The following SRRM4 variants were observed in gnomAD, a reference collection of about 807,000 sequenced individuals.
SRRM4 encodes serine/arginine repetitive matrix 4, also known as serine/arginine repetitive matrix protein 4.
SRRM4 carries 33 observed loss-of-function variants against 68.9 expected under a neutral mutation model. The ratio of observed to expected loss-of-function variants is 0.48; its 90% CI spans 0.36 to 0.64. The LOEUF (loss-of-function observed/expected upper bound fraction) is 0.64. Ranked by LOEUF, SRRM4 falls within the 30% of genes least tolerant of loss-of-function variation. The pLI, the probability that SRRM4 is intolerant of heterozygous loss-of-function variation, is 0.00. For missense variants in SRRM4, 817 were observed against 827.1 expected (o/e 0.99, Z 0.15); for synonymous variants, 318 against 318.8 (o/e 1.00, Z 0.03).
chr12:119,106,528 C>T lies in SRRM4; in HGVS notation c.278+4146C>T, dbSNP rs991479994. On this transcript the variant is annotated intron_variant, in intron 2 of 12. Coordinates refer to ENST00000267260, the MANE Select transcript of SRRM4 (RefSeq NM_194286.4). ...TCTCCTTGAAGAGGTCCTTCACATCCCTTGTAAGTTGGATTCCTAGATATT... is the reference window on the plus strand; with the variant it reads ...TCTCCTTGAAGAGGTCCTTCACATCTCTTGTAAGTTGGATTCCTAGATATT... Among the ~76,000 whole-genome samples, 7 of 152,164 alleles carry T rather than the reference C, an allele frequency of 4.6e-5. No individual in the cohort carries two copies. The South Asian group carries it at 1.0e-3, about 23-fold the overall frequency.
At chr12:118,994,820 C>A (rs1438445948) in intron 1 of SRRM4, among the ~76,000 whole-genome samples, 1 of 152,172 alleles carries the variant, frequency 6.6e-6, no homozygotes, top group Non-Finnish European at 1.5e-5. Context: ...TTGCCTTTGG[C>A]CATTCCGGCT....
intron 1 of SRRM4, among the ~76,000 whole-genome samples, chr12:119,009,919 C>A (rs904341455): frequency 6.6e-6 from 1 of 152,162 alleles, no homozygotes; most frequent in Non-Finnish European, 1.5e-5. Context: ...AATTTTTCTC[C>A]TTTCTTCCTT....
At chr12:119,140,951 A>G (rs1954361434) in intron 8 of SRRM4, among the ~76,000 whole-genome samples, 1 of 152,198 alleles carries the variant, frequency 6.6e-6, no homozygotes, top group African/African-American at 2.4e-5. Context: ...TTTATATTTC[A>G]AAGTAACTAG....
rs144329562 is a variant in SRRM4 at position 119,128,924 on chromosome 12, A to G, written c.615-1754A>G. ...GTTGGCATCTGAGCTCCCAGTGCCT[A>G]CTGAGCTGAGGAGCTTCCTAGCAGA... On this transcript the variant is annotated intron_variant, in intron 7 of 12. Transcript: ENST00000267260. Among the ~76,000 whole-genome samples the G allele has an allele frequency of 2.1e-3, 313 of 152,320 alleles. 1 individual carries two copies. Among genetic ancestry groups the G allele is most frequent in the African/African-American group, 6.5e-3 (270 of 41,580 alleles).
rs1954494794 is a variant in SRRM4 at position 119,159,300 on chromosome 12, A to C, written c.*2502A>C. ...TAAACAGCCCAGAGGCTTATGAGCTACAGTGATGAATTGACACAGTGGAGT... is the reference window on the plus strand; with the variant it reads ...TAAACAGCCCAGAGGCTTATGAGCTCCAGTGATGAATTGACACAGTGGAGT... On this transcript the variant is annotated 3_prime_UTR_variant, in exon 13 of 13. Transcript: ENST00000267260. The C allele has an allele frequency of 6.6e-6, 1 of 152,308 alleles. No homozygotes were observed. The highest frequency in any genetic ancestry group is 1.5e-5 in the Non-Finnish European group (1 of 68,114). 9.4% of individuals were successfully genotyped at this position (152,308 alleles called of 1,614,324 possible).
chr12:119,084,059 C>T (rs1953965529), intron 1 of SRRM4, among the ~76,000 whole-genome samples: 1 of 152,196 alleles, frequency 6.6e-6, no homozygotes, highest in Admixed American at 6.5e-5. Context: ...ACAGCAAGCG[C>T]TATTACACTT....
At position 119,145,797 on chromosome 12, in the gene SRRM4, G is replaced by A. The variant is rs1472187392; in HGVS notation, c.1076+112G>A. ...ACCCCCAAGATTATTTTATTTGTAA[G>A]AGAGATGAAACTCAACTCAGACTGG... is the stretch of plus-strand genomic sequence containing the variant. On this transcript the variant is annotated intron_variant, in intron 9 of 12. Transcript: ENST00000267260. The A allele has an allele frequency of 3.9e-6, 4 of 1,024,080 alleles. No individual in the cohort carries two copies. The East Asian group carries it at 1.2e-4, about 32-fold the overall frequency. 63.4% of individuals were successfully genotyped at this position (1,024,080 alleles called of 1,614,324 possible). A position where few individuals can be genotyped will look rare whatever the true frequency, so the allele number is the denominator to read the frequency against.
chr12:119,139,192 T>C (rs1388023749), intron 8 of SRRM4, among the ~76,000 whole-genome samples: 1 of 152,120 alleles, frequency 6.6e-6, no homozygotes, highest in Non-Finnish European at 1.5e-5. Context: ...GTTTGCACCT[T>C]ATGTGCCAGA....
At chr12:119,156,450 C>T in intron 12 of SRRM4, 45 bp from the exon 13 acceptor site, 1 of 1,530,254 alleles carries the variant, frequency 6.5e-7, no homozygotes, top group Non-Finnish European at 8.8e-7. Flanking sequence ...TGCGGGGAGG[C>T]ACGGAGGGGC....
chr12:119,084,885 G>A (rs1332027411), intron 1 of SRRM4, among the ~76,000 whole-genome samples: 1 of 152,148 alleles, frequency 6.6e-6, no homozygotes, highest in Non-Finnish European at 1.5e-5. Context: ...AATGATGCCA[G>A]TTTTTAAAAA....
At chr12:119,151,307 A>C in intron 10 of SRRM4, 87 bp downstream of exon 10, 1 of 1,280,762 alleles carries the variant, frequency 7.8e-7, no homozygotes. Flanking sequence ...CATGGGGGAG[A>C]GAAGTCAGAC....
chr12:119,138,740 C>T (rs1954346375), intron 8 of SRRM4, among the ~76,000 whole-genome samples: 1 of 152,354 alleles, frequency 6.6e-6, no homozygotes, highest in Admixed American at 6.5e-5. Context: ...ATTATTAGCA[C>T]TCATTTTCCA....
At chr12:119,148,124 G>A (rs561996513) in intron 9 of SRRM4, among the ~76,000 whole-genome samples, 4 of 152,192 alleles carry the variant, frequency 2.6e-5, no homozygotes, top group African/African-American at 7.2e-5. Context: ...TTCTGAGGGT[G>A]GGAGTTTGCC....
At chr12:119,039,883 A>G (rs995770217) in intron 1 of SRRM4, among the ~76,000 whole-genome samples, 1 of 152,100 alleles carries the variant, frequency 6.6e-6, no homozygotes. Context: ...TCAGCCACCC[A>G]TATACCAGGG....
At chr12:119,030,246 T>C (rs1953579772) in intron 1 of SRRM4, among the ~76,000 whole-genome samples, 1 of 152,072 alleles carries the variant, frequency 6.6e-6, no homozygotes, top group South Asian at 2.1e-4. Flanking sequence ...GAACCAAGGG[T>C]ATGACACAGG....
At chr12:118,986,474 A>G (rs1953282843) in intron 1 of SRRM4, among the ~76,000 whole-genome samples, 1 of 152,208 alleles carries the variant, frequency 6.6e-6, no homozygotes, top group African/African-American at 2.4e-5. Flanking sequence ...GTAGATGTTC[A>G]GTGAATGTTG....
intron 1 of SRRM4, among the ~76,000 whole-genome samples, chr12:119,048,976 C>T (rs1953724666): frequency 6.6e-6 from 1 of 152,176 alleles, no homozygotes; most frequent in African/African-American, 2.4e-5. Flanking sequence ...CAGATTCATT[C>T]ATTCAAGACA....
At chr12:119,149,557 G>C (rs1954425870) in intron 9 of SRRM4, among the ~76,000 whole-genome samples, 1 of 152,152 alleles carries the variant, frequency 6.6e-6, no homozygotes, top group Non-Finnish European at 1.5e-5. Flanking sequence ...ACACACTGGA[G>C]GTCGCCCAAC....
At position 119,011,912 on chromosome 12, in the gene SRRM4, C is replaced by T. The variant is rs751227472; in HGVS notation, c.131+29899C>T. ...CCACTTTGCCTTCCTCAGCTCTAAG[C>T]TCACCTGTAAAATGGGGATGATGGT... On this transcript the variant is annotated intron_variant, in intron 1 of 12. Transcript: ENST00000267260. Among the ~76,000 whole-genome samples, 41 of 152,084 alleles carry T rather than the reference C, an allele frequency of 2.7e-4. 2 individuals are homozygous for T. Among genetic ancestry groups the T allele is most frequent in the Admixed American group, 2.6e-4 (4 of 15,196 alleles).
Sources: allele counts gnomAD v4.1 joint callset (sites outside exome capture counted in the v4.1 genomes callset), GRCh38; gene constraint gnomAD v4.1.1; transcripts MANE v1.5; gene names NCBI Gene and HGNC (gene_info 2026-07-23, HGNC 2026-07-21).